The following TMC1 variants were observed in gnomAD, a reference collection of about 807,000 sequenced individuals.
TMC1 encodes transmembrane channel like 1.
Under a neutral mutation model 105.8 loss-of-function variants are expected in TMC1, and 84 were observed. The observed-to-expected ratio is 0.79, with a 90% CI of 0.67 to 0.95. The LOEUF is 0.95. Among genes scored for constraint, TMC1 ranks in the 40% least tolerant of loss-of-function variants. The probability of loss-of-function intolerance (pLI) is 0.00; values close to 1 mark genes in which losing one functional copy is unlikely to be tolerated. For missense variants in TMC1, 817 were observed against 914.1 expected (o/e 0.89, Z 1.37); for synonymous variants, 315 against 311.5 (o/e 1.01, Z -0.12).
intron 2 of TMC1, among the ~76,000 whole-genome samples, chr9:72,593,789 T>A (rs1008346019): frequency 1.3e-5 from 2 of 152,068 alleles, no homozygotes; most frequent in Admixed American, 1.3e-4. Flanking sequence ...TCTCAAAGAC[T>A]GAAGGGTATT....
chr9:72,758,801 T>G (rs1227774169), intron 12 of TMC1, among the ~76,000 whole-genome samples: 1 of 152,236 alleles, frequency 6.6e-6, no homozygotes, highest in African/African-American at 2.4e-5. Flanking sequence ...CTTTTGTTTT[T>G]ATTATCATTT....
Position 72,613,530 on chromosome 9 carries a change from G to A in TMC1, c.-305-2838G>A, listed in dbSNP as rs78119731. Among the ~76,000 whole-genome samples the A allele has an allele frequency of 8.4e-3, 1,284 of 152,168 alleles. 43 individuals are homozygous for A. The highest frequency in any genetic ancestry group is 0.067 in the Admixed American group (1,016 of 15,260). On this transcript the variant is annotated intron_variant, in intron 2 of 23. Coordinates refer to ENST00000297784, the MANE Select transcript of TMC1 (RefSeq NM_138691.3). ...TGCCCCCTGATTATCTTTTGGGTGG[G>A]CAGTGAAAGTATTCATACCTCTTTT... is the stretch of plus-strand genomic sequence containing the variant.
At chr9:72,751,365 C>T (rs1028156922) in intron 10 of TMC1, among the ~76,000 whole-genome samples, 13 of 152,152 alleles carry the variant, frequency 8.5e-5, no homozygotes, top group Non-Finnish European at 1.3e-4. Flanking sequence ...GATAACTATC[C>T]GTAAAGGATG....
chr9:72,577,979 C>T lies in TMC1; in HGVS notation c.-350C>T, dbSNP rs1022291966. 3 of 152,220 alleles carry T rather than the reference C, an allele frequency of 2.0e-5. No homozygotes were observed. Among genetic ancestry groups the T allele is most frequent in the Admixed American group, 6.6e-5 (1 of 15,260 alleles). The allele number at this position is 152,220 out of a possible 1,614,324, so 9.4% of individuals were successfully genotyped here. A position where few individuals can be genotyped will look rare whatever the true frequency, so the allele number is the denominator to read the frequency against. On this transcript the variant is annotated 5_prime_UTR_variant, in exon 2 of 24. It introduces an in-frame stop codon into an upstream open reading frame of the 5' UTR. Coordinates refer to ENST00000297784, the MANE Select transcript of TMC1 (RefSeq NM_138691.3). ...CTCTGCAACCTCCGCCTCCCAGGTT[C>T]AAGTGATTCTCCTGCCTCGGCCTCC...
chr9:72,557,797 A>G (rs1013102934), intron 1 of TMC1, among the ~76,000 whole-genome samples: 7 of 152,158 alleles, frequency 4.6e-5, no homozygotes, highest in Non-Finnish European at 8.8e-5. Context: ...TGCTCACTCA[A>G]GTCTTCCGGT....
At chr9:72,821,502 C>CAAAAAAAA (rs35069464) in intron 20 of TMC1, among the ~76,000 whole-genome samples, 5 of 105,514 alleles carry the variant, frequency 4.7e-5, no homozygotes, top group Non-Finnish European at 9.9e-5. Flanking sequence ...AACTCTGTCT[C>CAAAAAAAA]AAAAAAAAAA....
chr9:72,558,176 C>T (rs1435604967), intron 1 of TMC1, among the ~76,000 whole-genome samples: 2 of 152,116 alleles, frequency 1.3e-5, no homozygotes, highest in African/African-American at 2.4e-5. Context: ...CTTTCTCTCT[C>T]TCTCTCTCTT....
rs1241226865 is a variant in TMC1, at chr9:72,739,395, A to G, written c.363-724A>G. Among the ~76,000 whole-genome samples, 5 of 152,228 alleles carry G rather than the reference A, an allele frequency of 3.3e-5. No homozygotes were observed. In the East Asian group the frequency reaches 9.6e-4, roughly 29 times the overall value. On this transcript the variant is annotated intron_variant, in intron 8 of 23. Transcript: ENST00000297784. ...AAACATTCAGTCTATAACAATGATCAAATAAGGTTACAAAAATTATAGTGT... is the reference window on the plus strand; with the variant it reads ...AAACATTCAGTCTATAACAATGATCGAATAAGGTTACAAAAATTATAGTGT...
chr9:72,578,468 G>A (rs1255403649), intron 2 of TMC1: 1 of 152,184 alleles, frequency 6.6e-6, no homozygotes, highest in African/African-American at 2.4e-5. Context: ...AAAGCCAAGA[G>A]AAGTTTTCCT....
intron 1 of TMC1, among the ~76,000 whole-genome samples, chr9:72,541,467 C>T (rs919179092): frequency 6.6e-6 from 1 of 152,132 alleles, no homozygotes; most frequent in African/African-American, 2.4e-5. Flanking sequence ...GCGGGCCGAT[C>T]ACCTGAGGTC....
At chr9:72,559,322 C>G (rs1420802388) in intron 1 of TMC1, among the ~76,000 whole-genome samples, 2 of 152,160 alleles carry the variant, frequency 1.3e-5, no homozygotes, top group African/African-American at 4.8e-5. Flanking sequence ...TCTCAGACTC[C>G]TGACCTCATG....
rs1362010982 is a variant in TMC1, at chr9:72,539,236, AAAC to A, written c.-428+17332_-428+17334del. 1.7e-3 allele frequency among the ~76,000 whole-genome samples: 264 copies of A among 151,270 alleles called. 1 individual carries two copies. The highest frequency in any genetic ancestry group is 6.2e-3 in the African/African-American group (254 of 41,210). ...CATCTCTACAAAAAATACAAAAAAA[AAAC>A]AACAACAAAAAAACAAATCAGCCAG... On this transcript the variant is annotated intron_variant, in intron 1 of 23. Coordinates refer to ENST00000297784, the MANE Select transcript of TMC1 (RefSeq NM_138691.3).
At chr9:72,667,350 A>G (rs928359800) in intron 5 of TMC1, among the ~76,000 whole-genome samples, 3 of 152,236 alleles carry the variant, frequency 2.0e-5, no homozygotes, top group Admixed American at 6.5e-5. Flanking sequence ...AGATTCTGCA[A>G]TGTAAGTCAG....
chr9:72,559,358 T>G (rs1824004571), intron 1 of TMC1, among the ~76,000 whole-genome samples: 2 of 152,194 alleles, frequency 1.3e-5, no homozygotes, highest in South Asian at 4.1e-4. Flanking sequence ...CTTCCCAAAG[T>G]GCTGGGATTA....
intron 1 of TMC1, among the ~76,000 whole-genome samples, chr9:72,544,988 T>C (rs1210221753): frequency 6.6e-6 from 1 of 152,046 alleles, no homozygotes; most frequent in Non-Finnish European, 1.5e-5. Flanking sequence ...TTCTTATGCC[T>C]TTGCATTCTC....
intron 12 of TMC1, among the ~76,000 whole-genome samples, chr9:72,755,508 T>C (rs2118070913): frequency 6.6e-6 from 1 of 152,338 alleles, no homozygotes; most frequent in Middle Eastern, 3.4e-3. Flanking sequence ...CAAATGAGCA[T>C]TACTCCTTGA....
intron 2 of TMC1, among the ~76,000 whole-genome samples, chr9:72,584,728 A>T (rs1392605022): frequency 6.7e-6 from 1 of 148,698 alleles, no homozygotes; most frequent in African/African-American, 2.5e-5. Flanking sequence ...TAACACCATG[A>T]TCCTTCTCGA....
At chr9:72,694,331 C>T (rs189897863) in intron 6 of TMC1, among the ~76,000 whole-genome samples, 16 of 152,176 alleles carry the variant, frequency 1.1e-4, no homozygotes, top group East Asian at 5.8e-4. Context: ...CTATTTGAGT[C>T]GGTGAACCAC....
chr9:72,538,285 A>C (rs1229634119), intron 1 of TMC1, among the ~76,000 whole-genome samples: 2 of 152,174 alleles, frequency 1.3e-5, no homozygotes, highest in Non-Finnish European at 2.9e-5. Context: ...ACTCTCTGGA[A>C]AAAACTTGGT....
Sources: allele counts gnomAD v4.1 joint callset (sites outside exome capture counted in the v4.1 genomes callset), GRCh38; gene constraint gnomAD v4.1.1; transcripts MANE v1.5; gene names NCBI Gene and HGNC (gene_info 2026-07-23, HGNC 2026-07-21).